The following DOCK9 variants were observed in gnomAD, a reference collection of about 807,000 sequenced individuals.
The protein encoded by DOCK9 is dedicator of cytokinesis protein 9.
In DOCK9, 89 loss-of-function variants were observed where a neutral mutation model predicts 263.3. The ratio of observed to expected loss-of-function variants is 0.34; its 90% CI spans 0.28 to 0.40. The LOEUF (loss-of-function observed/expected upper bound fraction) is 0.40. Among genes scored for constraint, DOCK9 ranks in the 10% least tolerant of loss-of-function variants. The pLI is 1.00. For synonymous variants in DOCK9, 976 were observed against 973.1 expected (o/e 1.00, Z -0.06); for missense variants, 2,140 against 2,603.4 (o/e 0.82, Z 3.87).
chr13:98,853,048 C>G (rs572845779), intron 35 of DOCK9, among the ~76,000 whole-genome samples: 254 of 152,230 alleles, frequency 1.7e-3, no homozygotes, highest in African/African-American at 6.0e-3. Flanking sequence ...GTAAGTTTGT[C>G]TGGACGAATA....
intron 1 of DOCK9, among the ~76,000 whole-genome samples, chr13:99,006,611 T>C (rs897591546): frequency 6.6e-6 from 1 of 152,232 alleles, no homozygotes; most frequent in Admixed American, 6.5e-5. Flanking sequence ...CAATTATCCC[T>C]TTTTTAATAT....
intron 27 of DOCK9, 21 bp downstream of exon 27, chr13:98,879,877 C>G: frequency 6.3e-7 from 1 of 1,585,540 alleles, no homozygotes; most frequent in Non-Finnish European, 8.6e-7. Flanking sequence ...AGAACACAAG[C>G]TTCCACTTGA....
intron 1 of DOCK9, among the ~76,000 whole-genome samples, chr13:98,963,142 G>A (rs932364239): frequency 5.9e-5 from 9 of 152,012 alleles, no homozygotes; most frequent in South Asian, 2.1e-4. Flanking sequence ...GCAGCATGGC[G>A]CGCCTCTAGC....
intron 1 of DOCK9, among the ~76,000 whole-genome samples, chr13:98,988,665 C>T (rs1247784595): frequency 2.0e-5 from 3 of 152,234 alleles, no homozygotes; most frequent in African/African-American, 4.8e-5. Context: ...AAAACTGAAG[C>T]TCAACGTTCT....
At chr13:98,833,946 G>A (rs2092881748) in intron 39 of DOCK9, among the ~76,000 whole-genome samples, 1 of 152,150 alleles carries the variant, frequency 6.6e-6, no homozygotes, top group Admixed American at 6.5e-5. Flanking sequence ...AATATCCACA[G>A]ATAACAAGGC....
At chr13:98,997,176 A>G (rs983572179) in intron 1 of DOCK9, among the ~76,000 whole-genome samples, 3 of 152,228 alleles carry the variant, frequency 2.0e-5, no homozygotes, top group Non-Finnish European at 2.9e-5. Context: ...GCCGCTTCGC[A>G]GGGCACCTGT....
chr13:99,073,642 T>C (rs2041789033), intron 1 of DOCK9, among the ~76,000 whole-genome samples: 2 of 152,204 alleles, frequency 1.3e-5, no homozygotes, highest in Non-Finnish European at 2.9e-5. Context: ...GTCCTGATCA[T>C]AAACCTGATT....
intron 1 of DOCK9, among the ~76,000 whole-genome samples, chr13:99,036,774 G>A (rs1475399850): frequency 6.6e-6 from 1 of 152,140 alleles, no homozygotes; most frequent in African/African-American, 2.4e-5. Flanking sequence ...TTCTGACCTC[G>A]TGATCCGCCC....
intron 1 of DOCK9, among the ~76,000 whole-genome samples, chr13:99,085,195 G>C (rs929236699): frequency 5.3e-5 from 8 of 152,136 alleles, no homozygotes; most frequent in African/African-American, 1.9e-4. Flanking sequence ...TAAGGGGCCC[G>C]GCACTCTGCC....
intron 27 of DOCK9, among the ~76,000 whole-genome samples, chr13:98,873,981 C>T (rs2094258668): frequency 6.6e-6 from 1 of 152,208 alleles, no homozygotes; most frequent in African/African-American, 2.4e-5. Context: ...CCACTCAAGT[C>T]TGACCTTACT....
intron 1 of DOCK9, among the ~76,000 whole-genome samples, chr13:99,022,394 G>A (rs1216389636): frequency 6.6e-6 from 1 of 152,214 alleles, no homozygotes; most frequent in Non-Finnish European, 1.5e-5. Context: ...GTTCTCAAAA[G>A]TAGAGAACGC....
At chr13:98,862,953 T>TGATA in intron 32 of DOCK9, 66 bp downstream of exon 32, 1 of 1,391,244 alleles carries the variant, frequency 7.2e-7, no homozygotes, top group South Asian at 1.3e-5. Context: ...ACCCAGCTTA[T>TGATA]GGCGCTTTGT....
intron 1 of DOCK9, among the ~76,000 whole-genome samples, chr13:98,971,446 G>A (rs560791010): frequency 6.6e-6 from 1 of 151,954 alleles, no homozygotes; most frequent in African/African-American, 2.4e-5. Flanking sequence ...GGTGGCTCAC[G>A]CCTGTAGTCC....
intron 38 of DOCK9, among the ~76,000 whole-genome samples, chr13:98,840,723 GAT>G (rs2093179194): frequency 6.6e-6 from 1 of 152,172 alleles, no homozygotes; most frequent in Admixed American, 6.5e-5. Flanking sequence ...GGACATTTGG[GAT>G]AGAAGAGTAG....
In DOCK9 at chr13:98,829,855, A is replaced by G; in HGVS notation, c.4636-99T>C. 1 of 1,016,958 alleles carries G rather than the reference A, an allele frequency of 9.8e-7. No individual in the cohort carries two copies. The highest frequency in any genetic ancestry group is 1.4e-5 in the South Asian group (1 of 71,400). The allele number at this position is 1,016,958 out of a possible 1,614,324, so 63.0% of individuals were successfully genotyped here. ...TAGGATGTGCCTAAGGACCCAGCAA[A>G]GTGGGGGTTGGGGGGTGCTTTGAGC... On this transcript the variant is annotated intron_variant, in intron 41 of 52. Coordinates refer to ENST00000682017, the MANE Select transcript of DOCK9 (RefSeq NM_001366683.2). This position sits in a 1 kb window ranked among gnomAD's most constrained non-coding sequence, Gnocchi z 4.1.
intron 1 of DOCK9, among the ~76,000 whole-genome samples, chr13:99,032,456 C>A (rs1887446559): frequency 6.7e-6 from 1 of 149,582 alleles, no homozygotes; most frequent in African/African-American, 2.5e-5. Context: ...ACACTTCAGC[C>A]TGGGCAACAG....
chr13:98,815,704 A>G (rs2091779284), intron 45 of DOCK9, among the ~76,000 whole-genome samples: 1 of 152,156 alleles, frequency 6.6e-6, no homozygotes, highest in South Asian at 2.1e-4. Flanking sequence ...GATGGTCTCA[A>G]TCTCCTCACC....
At chr13:98,856,959 T>G (rs2093722022) in intron 33 of DOCK9, 1 of 152,198 alleles carries the variant, frequency 6.6e-6, no homozygotes. Context: ...GAAATAAAAT[T>G]TGTGATGTCC....
chr13:98,901,233 C>T (rs547989565), intron 13 of DOCK9, among the ~76,000 whole-genome samples: 40 of 152,196 alleles, frequency 2.6e-4, no homozygotes, highest in Non-Finnish European at 5.3e-4. Flanking sequence ...TGCCTAGGCA[C>T]TTCCCAAGTA....
Sources: allele counts gnomAD v4.1 joint callset (sites outside exome capture counted in the v4.1 genomes callset), GRCh38; gene constraint gnomAD v4.1.1; non-coding constraint Gnocchi (gnomAD v3.1); transcripts MANE v1.5; gene names NCBI Gene and HGNC (gene_info 2026-07-23, HGNC 2026-07-21).